JKAMP: variants seen among roughly 807,000 people sequenced by gnomAD.
JKAMP encodes the protein JNK1/MAPK8-associated membrane protein.
A neutral mutation model predicts 40.2 loss-of-function variants in JKAMP; 20 were observed. The ratio of observed to expected loss-of-function variants is 0.50; its 90% confidence interval spans 0.35 to 0.72. JKAMP has a LOEUF of 0.72. Ranked by LOEUF, JKAMP falls within the 30% of genes least tolerant of loss-of-function variation. The pLI is 0.01. For missense variants in JKAMP, 276 were observed against 373.0 expected (o/e 0.74, Z 2.14); for synonymous variants, 138 against 131.6 (o/e 1.05, Z -0.33).
chr14:59,502,496 G>A (rs1402659140), intron 6 of JKAMP, among the ~76,000 whole-genome samples: 1 of 152,062 alleles, frequency 6.6e-6, no homozygotes, highest in South Asian at 2.1e-4. Context: ...GAGAGTGAGT[G>A]GGGGAAAACA....
At position 59,503,873 on chromosome 14, in the gene JKAMP, T is replaced by A. The variant is rs767174671; in HGVS notation, c.737T>A (p.Val246Asp). 1.9e-6 allele frequency: 3 copies of A among 1,611,044 alleles called. No individual in the cohort carries two copies. The highest frequency in any genetic ancestry group is 1.3e-5 in the African/African-American group (1 of 74,982). The change falls in exon 7 of 7, where the codon GTC becomes GAC. Residue 246 changes from valine to aspartate, a missense_variant. By Grantham distance (152) the Val-to-Asp change is radical (BLOSUM62 -3). Coordinates refer to ENST00000616435, the MANE Select transcript of JKAMP (RefSeq NM_016475.5). The part of the protein sequence containing the change: ...SEIENCYDLL[V>D]RKKRLIVLFS... ...ATATAGAACTGCTATGATCTTCTGG[T>A]CAGAAAGAAAAGACTTATTGTTCTC...
rs746564236 is a variant in JKAMP at position 59,487,806 on chromosome 14, G to C, written c.229G>C (p.Glu77Gln). ...TCTGGTTTTACATTGGTTCTTCATT[G>C]AATGGTACTCGGGGAAAAAGAGGTT... The part of the protein sequence containing the change: ...LPLVLHWFFI[E>Q]WYSGKKSSSA... The change falls in exon 3 of 7, where the codon GAA becomes CAA. Residue 77 changes from glutamate to glutamine, a missense_variant. By Grantham distance (29) the Glu-to-Gln change is conservative. Coordinates refer to ENST00000616435, the MANE Select transcript of JKAMP (RefSeq NM_016475.5). The C allele has an allele frequency of 6.2e-7, 1 of 1,613,630 alleles. No individual in the cohort carries two copies. The highest frequency in any genetic ancestry group is 8.5e-7 in the Non-Finnish European group (1 of 1,179,684).
At chr14:59,498,286 A>T (rs1238589491) in intron 4 of JKAMP, among the ~76,000 whole-genome samples, 1 of 152,228 alleles carries the variant, frequency 6.6e-6, no homozygotes, top group Non-Finnish European at 1.5e-5. Flanking sequence ...TTTATTTCAT[A>T]ACTAGATTTT....
At chr14:59,493,158 C>T (rs774699187) in intron 3 of JKAMP, among the ~76,000 whole-genome samples, 2 of 152,166 alleles carry the variant, frequency 1.3e-5, no homozygotes, top group African/African-American at 2.4e-5. Context: ...AATGAGAAAC[C>T]GATTCACAGA....
intron 1 of JKAMP, among the ~76,000 whole-genome samples, chr14:59,486,239 T>A (rs968416231): frequency 5.3e-5 from 8 of 152,220 alleles, no homozygotes; most frequent in Non-Finnish European, 1.2e-4. Flanking sequence ...AATTATGTTC[T>A]CTCTGCTTTT....
intron 3 of JKAMP, among the ~76,000 whole-genome samples, chr14:59,490,715 C>G (rs1359187732): frequency 6.6e-6 from 1 of 152,080 alleles, no homozygotes; most frequent in Non-Finnish European, 1.5e-5. Flanking sequence ...TTAAAAATAG[C>G]AGCTTTCATC....
chr14:59,495,591 T>C (rs913901754), intron 4 of JKAMP, among the ~76,000 whole-genome samples: 4 of 152,232 alleles, frequency 2.6e-5, no homozygotes, highest in African/African-American at 9.6e-5. Flanking sequence ...TTTCAAAATA[T>C]TAAATTCATA....
At position 59,504,349 on chromosome 14, in the gene JKAMP, G is replaced by A; in HGVS notation, c.*277G>A. The A allele has an allele frequency of 1.1e-5, 4 of 369,700 alleles. No individual in the cohort carries two copies. The highest frequency in any genetic ancestry group is 5.5e-5 in the South Asian group (1 of 18,090). 22.9% of individuals were successfully genotyped at this position (369,700 alleles called of 1,614,324 possible). ...TCTCAACAGTTCAGCTGTTCTTTAG[G>A]GCAAAATCATGTTTCTGTGTACCTA... is the stretch of plus-strand genomic sequence containing the variant. On this transcript the variant is annotated 3_prime_UTR_variant, in exon 7 of 7. Transcript: ENST00000616435.
At chr14:59,495,253 TG>T (rs35919683) in intron 4 of JKAMP, 29 bp downstream of exon 4, 417,427 of 1,262,662 alleles carry the variant, frequency 0.33, 49,368 homozygotes, top group African/African-American at 0.55. Flanking sequence ...TTAAGATCAT[TG>T]TTTTTTTTTA....
intron 3 of JKAMP, 40 bp from the exon 4 acceptor site, chr14:59,494,978 T>A: frequency 7.0e-7 from 1 of 1,421,194 alleles, no homozygotes; most frequent in Non-Finnish European, 9.9e-7. Flanking sequence ...ATTTAAATAT[T>A]GCAATTTTTC....
rs773352543 is a variant in JKAMP at position 59,495,118 on chromosome 14, C to A, written c.352C>A (p.Arg118Ser). Residue 118 changes from arginine (R) to serine (S), a missense_variant, in exon 4 of 7, where the codon CGT becomes AGT. By Grantham distance (110) the Arg-to-Ser change is moderately radical (BLOSUM62 -1). Coordinates refer to ENST00000616435, the MANE Select transcript of JKAMP (RefSeq NM_016475.5). ...TGATCCAGTTGGTGTTCTTTATATT[C>A]GTTCATGTCGAGTATTGATGCTTTC... Reference protein sequence around the residue: ...VSDPVGVLYIRSCRVLMLSDW... With the variant: ...VSDPVGVLYISSCRVLMLSDW... 1 of 1,613,240 alleles carries A rather than the reference C, an allele frequency of 6.2e-7. No individual in the cohort carries two copies. The highest frequency in any genetic ancestry group is 8.5e-7 in the Non-Finnish European group (1 of 1,179,304).
intron 4 of JKAMP, 71 bp downstream of exon 4, chr14:59,495,295 C>T (rs1441830545): frequency 3.3e-6 from 4 of 1,203,492 alleles, no homozygotes; most frequent in African/African-American, 3.0e-5. Flanking sequence ...GATTTTATGG[C>T]GTTTGGAGAC....
rs1890606872 is a variant in JKAMP, at chr14:59,486,699, T to A, written c.5-14T>A. 1 of 1,542,922 alleles carries A rather than the reference T, an allele frequency of 6.5e-7. No homozygotes were observed. Among genetic ancestry groups the A allele is most frequent in the Admixed American group, 1.9e-5 (1 of 52,952 alleles). ...ACAAAAGATGTTACTATACTGGCATTTGTTTTTAAAAAGCTGTCGATATTC... is the reference window on the plus strand; with the variant it reads ...ACAAAAGATGTTACTATACTGGCATATGTTTTTAAAAAGCTGTCGATATTC... On this transcript the variant is annotated splice_polypyrimidine_tract_variant and intron_variant, in intron 1 of 6. Coordinates refer to ENST00000616435, the MANE Select transcript of JKAMP (RefSeq NM_016475.5).
chr14:59,498,575 G>A (rs111803315), intron 4 of JKAMP, among the ~76,000 whole-genome samples, 152 bp from the exon 5 acceptor site: 6,010 of 152,274 alleles, frequency 0.039, 158 homozygotes, highest in Non-Finnish European at 0.058. Context: ...ATGACAGCCT[G>A]TTTGGCCAGC....
chr14:59,500,965 A>G (rs1230822358), intron 5 of JKAMP: 1 of 454,016 alleles, frequency 2.2e-6, no homozygotes, highest in Non-Finnish European at 3.9e-6. Flanking sequence ...CTACAACTGC[A>G]GAGCTGGGTA....
At chr14:59,484,868 C>T in intron 1 of JKAMP, 3 of 1,201,160 alleles carry the variant, frequency 2.5e-6, no homozygotes, top group Non-Finnish European at 2.3e-6. Flanking sequence ...AGTTTAATGT[C>T]GAGGGAACAC....
chr14:59,484,701 C>T, intron 1 of JKAMP, 108 bp downstream of exon 1: 1 of 1,367,524 alleles, frequency 7.3e-7, no homozygotes, highest in Non-Finnish European at 1.0e-6. Context: ...GTTGGCGGCG[C>T]AGGCTCGCCC....
At chr14:59,492,912 C>G (rs931453529) in intron 3 of JKAMP, among the ~76,000 whole-genome samples, 2 of 151,902 alleles carry the variant, frequency 1.3e-5, no homozygotes, top group African/African-American at 4.8e-5. Context: ...ATTCTCCTGC[C>G]TCAGCCTCCC....
intron 3 of JKAMP, among the ~76,000 whole-genome samples, chr14:59,492,821 C>A (rs1411010582): frequency 7.4e-6 from 1 of 135,144 alleles, no homozygotes; most frequent in Admixed American, 8.0e-5. Context: ...TTTTTTGAGA[C>A]GAGTCTTGCT....
Sources: gnomAD v4.1 joint callset for allele counts (sites outside exome capture counted in the v4.1 genomes callset) on GRCh38, gnomAD v4.1.1 for gene constraint, MANE v1.5 for transcripts, NCBI Gene and HGNC (gene_info 2026-07-23, HGNC 2026-07-21) for gene names.